Variants in TFDP2 observed in about 807,000 individuals in gnomAD.
TFDP2 encodes the protein transcription factor Dp-2.
In TFDP2, 17 loss-of-function variants were observed where a neutral mutation model predicts 59.3. That is an observed-to-expected ratio of 0.29 (90% CI 0.20 to 0.43). The LOEUF (loss-of-function observed/expected upper bound fraction) is 0.43, where lower values mean the gene tolerates loss of function less well. TFDP2 is among the 20% of genes least tolerant of loss of function. TFDP2 has a pLI of 1.00. For missense variants in TFDP2, 391 were observed against 528.8 expected (o/e 0.74, Z 2.56); for synonymous variants, 180 against 194.7 (o/e 0.92, Z 0.63).
chr3:142,064,483 G>A (rs569172541), intron 3 of TFDP2, among the ~76,000 whole-genome samples: 2 of 152,220 alleles, frequency 1.3e-5, no homozygotes, highest in South Asian at 4.1e-4. Context: ...ATTAATCAGG[G>A]AGTAGAAAAA....
At chr3:142,082,959 A>C (rs766175936) in intron 3 of TFDP2, among the ~76,000 whole-genome samples, 64 of 152,270 alleles carry the variant, frequency 4.2e-4, no homozygotes, top group Non-Finnish European at 6.9e-4. Context: ...GATCTGGAAC[A>C]CAACAAGGAA....
At chr3:142,009,483 G>A (rs1443146788) in intron 3 of TFDP2, among the ~76,000 whole-genome samples, 2 of 152,102 alleles carry the variant, frequency 1.3e-5, no homozygotes, top group African/African-American at 4.8e-5. Context: ...AAGCCAAGCA[G>A]GGCAGATCAC....
At chr3:142,015,404 C>T (rs1945052703) in intron 3 of TFDP2, among the ~76,000 whole-genome samples, 1 of 152,138 alleles carries the variant, frequency 6.6e-6, no homozygotes, top group African/African-American at 2.4e-5. Context: ...TGGACTGCCC[C>T]CACCCCATCC....
chr3:142,008,058 C>G (rs1403899086), intron 3 of TFDP2, among the ~76,000 whole-genome samples: 1 of 152,134 alleles, frequency 6.6e-6, no homozygotes, highest in Non-Finnish European at 1.5e-5. Flanking sequence ...TACAGTTACC[C>G]TCTAACTCAG....
intron 3 of TFDP2, chr3:142,028,768 CAT>C (rs1946277742): frequency 9.5e-6 from 9 of 951,388 alleles, no homozygotes; most frequent in Non-Finnish European, 1.1e-5. Context: ...TTTCAAAAGA[CAT>C]ATGAATACTG....
At chr3:142,112,587 G>C (rs971828400) in intron 1 of TFDP2, among the ~76,000 whole-genome samples, 1 of 152,234 alleles carries the variant, frequency 6.6e-6, no homozygotes, top group Non-Finnish European at 1.5e-5. Flanking sequence ...CAAAGTGATT[G>C]ACAACAAGCA....
intron 3 of TFDP2, among the ~76,000 whole-genome samples, chr3:142,023,607 C>T (rs1050010406): frequency 3.3e-5 from 5 of 152,068 alleles, no homozygotes; most frequent in Non-Finnish European, 4.4e-5. Flanking sequence ...AAGAGGGGAT[C>T]GTTGTTTTAT....
chr3:142,026,471 T>C (rs1345024399), intron 3 of TFDP2, among the ~76,000 whole-genome samples: 5 of 152,228 alleles, frequency 3.3e-5, no homozygotes, highest in Non-Finnish European at 7.3e-5. Flanking sequence ...GAAAACTGTA[T>C]AATAATTAAT....
At chr3:141,991,609 T>C (rs1942770986) in intron 6 of TFDP2, among the ~76,000 whole-genome samples, 1 of 150,762 alleles carries the variant, frequency 6.6e-6, no homozygotes, top group Non-Finnish European at 1.5e-5. Flanking sequence ...AATACAAAAA[T>C]TAGCGGGCAC....
intron 1 of TFDP2, among the ~76,000 whole-genome samples, chr3:142,114,890 T>C (rs1039744999): frequency 1.3e-5 from 2 of 152,132 alleles, no homozygotes; most frequent in African/African-American, 2.4e-5. Context: ...TATAGGAAAA[T>C]GTACATAAGC....
Position 141,950,148 on chromosome 3 carries a change from TTG to T in TFDP2, c.*2363_*2364del, listed in dbSNP as rs1935782630. ...TGCCTCACTTTGATCTTGTGTGAAA[TTG>T]TGACTCAGTGCTGAGCTTTAGACCC... On this transcript the variant is annotated 3_prime_UTR_variant, in exon 13 of 13. Transcript: ENST00000489671. 1 of 152,148 alleles carries T rather than the reference TTG, an allele frequency of 6.6e-6. No homozygotes were observed. Among genetic ancestry groups the T allele is most frequent in the Non-Finnish European group, 1.5e-5 (1 of 68,060 alleles). The allele number at this position is 152,148 out of a possible 1,614,324, so 9.4% of individuals were successfully genotyped here.
intron 3 of TFDP2, among the ~76,000 whole-genome samples, chr3:142,019,388 G>C (rs562869320): frequency 8.5e-5 from 13 of 152,256 alleles, no homozygotes; most frequent in Non-Finnish European, 1.5e-4. Context: ...TAAGAATGTA[G>C]TCAATTTTGT....
At chr3:141,967,023 T>A (rs1938193861) in intron 9 of TFDP2, among the ~76,000 whole-genome samples, 1 of 150,966 alleles carries the variant, frequency 6.6e-6, no homozygotes, top group Non-Finnish European at 1.5e-5. Context: ...TTCAAGTGAA[T>A]CTCTTGCCTC....
At chr3:142,065,550 C>T (rs895272506) in intron 3 of TFDP2, among the ~76,000 whole-genome samples, 3 of 151,830 alleles carry the variant, frequency 2.0e-5, no homozygotes, top group Non-Finnish European at 4.4e-5. Context: ...CTCACGCTGT[C>T]GCCTAGGCTG....
chr3:142,023,244 G>A (rs1945797116), intron 3 of TFDP2, among the ~76,000 whole-genome samples: 2 of 151,720 alleles, frequency 1.3e-5, no homozygotes, highest in African/African-American at 4.8e-5. Context: ...GAGTGCAGTG[G>A]CGTGATCTCA....
At chr3:141,958,205 AC>A (rs1936930717) in intron 11 of TFDP2, among the ~76,000 whole-genome samples, 1 of 152,210 alleles carries the variant, frequency 6.6e-6, no homozygotes, top group Non-Finnish European at 1.5e-5. Context: ...TCAAAGCAGC[AC>A]TGTATTTTAA....
chr3:141,955,044 A>G (rs1453599490), intron 11 of TFDP2, among the ~76,000 whole-genome samples: 1 of 117,020 alleles, frequency 8.5e-6, no homozygotes, highest in Non-Finnish European at 1.9e-5. Context: ...ACAAGTCTGT[A>G]CAAGAAAATA....
chr3:141,979,539 G>A (rs903234847), intron 6 of TFDP2, among the ~76,000 whole-genome samples: 1 of 152,088 alleles, frequency 6.6e-6, no homozygotes, highest in Non-Finnish European at 1.5e-5. Context: ...TGGAGGTGGA[G>A]GACAGTGATA....
At chr3:142,140,815 T>C (rs1011087893) in intron 1 of TFDP2, among the ~76,000 whole-genome samples, 2 of 152,120 alleles carry the variant, frequency 1.3e-5, no homozygotes, top group Non-Finnish European at 2.9e-5. Context: ...CTGGGAGGTG[T>C]CTCCCAGTTA....
Sources: allele counts gnomAD v4.1 joint callset (sites outside exome capture counted in the v4.1 genomes callset), GRCh38; gene constraint gnomAD v4.1.1; transcripts MANE v1.5; gene names NCBI Gene and HGNC (gene_info 2026-07-23, HGNC 2026-07-21).